C11orf65: variants seen among roughly 807,000 people sequenced by gnomAD.
The protein encoded by C11orf65 is protein MFI.
C11orf65 carries 38 observed loss-of-function variants against 35.3 expected under a neutral mutation model. The observed-to-expected ratio is 1.08, with a 90% CI of 0.83 to 1.41. The LOEUF (loss-of-function observed/expected upper bound fraction) is 1.41. Among genes scored for constraint, C11orf65 ranks in the 40% most tolerant of loss-of-function variants. The pLI is 0.00. For missense variants in C11orf65, 370 were observed against 367.1 expected, an observed-to-expected ratio of 1.01 and a Z score of -0.06; for synonymous variants, 105 against 114.4, an observed-to-expected ratio of 0.92 and a Z score of 0.53.
intron 2 of C11orf65, among the ~76,000 whole-genome samples, chr11:108,433,217 A>C (rs1271183844): frequency 1.3e-5 from 2 of 150,626 alleles, no homozygotes; most frequent in African/African-American, 4.9e-5. Flanking sequence ...AGCACTTTGG[A>C]GGGGCGAGGC....
intron 2 of C11orf65, among the ~76,000 whole-genome samples, chr11:108,345,578 C>T (rs1399983009): frequency 2.6e-5 from 4 of 152,144 alleles, no homozygotes; most frequent in African/African-American, 9.7e-5. Flanking sequence ...GGGATTATCA[C>T]TTGTAATTAA....
At chr11:108,437,707 TAAAAAAAAAAAAAAAAA>T (rs145337876) in intron 2 of C11orf65, among the ~76,000 whole-genome samples, 9 of 38,030 alleles carry the variant, frequency 2.4e-4, no homozygotes, top group South Asian at 2.5e-3. Context: ...GACTCAGTCT[TAAAAAAAAAAAAAAAAA>T]AAAAAAAAAA....
chr11:108,422,458 A>G lies in C11orf65; in HGVS notation c.174+9288T>C, dbSNP rs73547049. 9.1e-3 allele frequency among the ~76,000 whole-genome samples: 1,383 copies of G among 152,362 alleles called. 20 individuals carry two copies. Among genetic ancestry groups the G allele is most frequent in the African/African-American group, 0.031 (1,295 of 41,578 alleles). ...ACGACAACAGTAGAAAAATAGACCAATGGAACAGACCAATACATAAATGGC... is the reference window on the plus strand; with the variant it reads ...ACGACAACAGTAGAAAAATAGACCAGTGGAACAGACCAATACATAAATGGC... On this transcript the variant is annotated intron_variant, in intron 3 of 8. Coordinates refer to ENST00000393084, the MANE Select transcript of C11orf65 (RefSeq NM_152587.5).
rs1012219347 is a variant in C11orf65, at chr11:108,358,440, G to A, written c.227-23148C>T. ...CCAACGTTCAGATTCAGGAAATACA[G>A]AGAATGCCACAAAGATACTCTTTGA... On this transcript the variant is annotated intron_variant, in intron 2 of 3. Transcript: ENST00000524755. Among the ~76,000 whole-genome samples, 30 of 151,130 alleles carry A rather than the reference G, an allele frequency of 2.0e-4. 1 individual carries two copies. The highest frequency in any genetic ancestry group is 1.7e-3 in the Admixed American group (25 of 15,114).
chr11:108,444,298 C>T (rs764235261), intron 2 of C11orf65, among the ~76,000 whole-genome samples: 4 of 152,088 alleles, frequency 2.6e-5, no homozygotes, highest in Non-Finnish European at 5.9e-5. Flanking sequence ...AGACCAATAA[C>T]AGGCCCTGAA....
intron 2 of C11orf65, among the ~76,000 whole-genome samples, chr11:108,435,029 C>T (rs1421202192): frequency 9.9e-5 from 15 of 152,182 alleles, no homozygotes; most frequent in Admixed American, 9.8e-4. Context: ...AGGACGACAT[C>T]CTCTATGTTG....
intron 2 of C11orf65, among the ~76,000 whole-genome samples, chr11:108,350,324 C>T (rs1447981420): frequency 2.6e-5 from 4 of 151,986 alleles, no homozygotes; most frequent in Non-Finnish European, 4.4e-5. Flanking sequence ...TTGTCTCTAC[C>T]CCTGGGCTGA....
chr11:108,455,870 T>C (rs946897744), intron 2 of C11orf65, among the ~76,000 whole-genome samples: 2 of 133,378 alleles, frequency 1.5e-5, no homozygotes, highest in East Asian at 4.4e-4. Context: ...TCCAAAGACA[T>C]GGGCCAGCTG....
chr11:108,384,542 T>A (rs2091945173), intron 8 of C11orf65, among the ~76,000 whole-genome samples: 1 of 151,986 alleles, frequency 6.6e-6, no homozygotes, highest in South Asian at 2.1e-4. Context: ...GAGTCCACAA[T>A]CCTTTGGGAA....
chr11:108,452,755 G>A (rs1032795907), intron 2 of C11orf65, among the ~76,000 whole-genome samples: 2 of 152,088 alleles, frequency 1.3e-5, no homozygotes, highest in Non-Finnish European at 2.9e-5. Flanking sequence ...CAACCCAAAT[G>A]TCCATCAATG....
intron 3 of C11orf65, among the ~76,000 whole-genome samples, chr11:108,430,718 G>A (rs1217144363): frequency 2.0e-5 from 3 of 151,854 alleles, no homozygotes; most frequent in East Asian, 2.0e-4. Context: ...GGTGGCATGC[G>A]CCTATAGTCC....
At chr11:108,465,925 C>T (rs1012838585) in intron 1 of C11orf65, among the ~76,000 whole-genome samples, 3 of 146,924 alleles carry the variant, frequency 2.0e-5, no homozygotes, top group Middle Eastern at 3.5e-3. Flanking sequence ...GCGGAGGTTG[C>T]GGTGAGTCGA....
At chr11:108,434,257 C>T (rs2093032948) in intron 2 of C11orf65, among the ~76,000 whole-genome samples, 1 of 152,044 alleles carries the variant, frequency 6.6e-6, no homozygotes, top group South Asian at 2.1e-4. Context: ...GTAATCCCAG[C>T]ACTTTGGGAG....
At chr11:108,375,400 A>G (rs1007298831) in intron 2 of C11orf65, among the ~76,000 whole-genome samples, 2 of 151,368 alleles carry the variant, frequency 1.3e-5, no homozygotes, top group African/African-American at 4.8e-5. Flanking sequence ...TCATCAGTGA[A>G]GTAGAAATAA....
At chr11:108,329,648 C>T (rs375370301), downstream of C11orf65, among the ~76,000 whole-genome samples, 1 of 152,092 alleles carries the variant, frequency 6.6e-6, no homozygotes, top group African/African-American at 2.4e-5. Context: ...TGGGCTCAAA[C>T]GATCTGCCCA....
rs151100470 is a variant in C11orf65, at chr11:108,457,298, C to T, written c.81+4181G>A. Among the ~76,000 whole-genome samples the T allele has an allele frequency of 2.7e-3, 414 of 152,102 alleles. 2 individuals carry two copies. The highest frequency in any genetic ancestry group is 0.014 in the Admixed American group (209 of 15,258). On this transcript the variant is annotated intron_variant, in intron 2 of 8. Coordinates refer to ENST00000393084, the MANE Select transcript of C11orf65 (RefSeq NM_152587.5). Reference sequence around the variant, plus strand: ...AAAGTTAATAAAAGATAATTGTACACGCACATTATTTAGAAGCATGGAAGT... The same window carrying T: ...AAAGTTAATAAAAGATAATTGTACATGCACATTATTTAGAAGCATGGAAGT...
chr11:108,393,028 T>C (rs1196360072), intron 7 of C11orf65, among the ~76,000 whole-genome samples, 180 bp downstream of exon 7: 1 of 152,158 alleles, frequency 6.6e-6, no homozygotes, highest in Non-Finnish European at 1.5e-5. Context: ...TATTTTTGGA[T>C]CATTCATTTT....
At chr11:108,443,245 T>C (rs1027721526) in intron 2 of C11orf65, among the ~76,000 whole-genome samples, 5 of 152,122 alleles carry the variant, frequency 3.3e-5, no homozygotes, top group African/African-American at 7.2e-5. Flanking sequence ...TACGTAATTA[T>C]AAAGGGATCA....
intron 3 of C11orf65, among the ~76,000 whole-genome samples, chr11:108,408,347 C>T (rs2092585114): frequency 6.6e-6 from 1 of 151,942 alleles, no homozygotes; most frequent in Non-Finnish European, 1.5e-5. Flanking sequence ...GATGACCTTT[C>T]CTAATTAGCT....
Sources: allele counts gnomAD v4.1 joint callset (sites outside exome capture counted in the v4.1 genomes callset), GRCh38; gene constraint gnomAD v4.1.1; transcripts MANE v1.5; gene names NCBI Gene and HGNC (gene_info 2026-07-23, HGNC 2026-07-21).